Variants in AKNA observed in about 807,000 individuals in gnomAD.
The protein encoded by AKNA is microtubule organization protein AKNA.
A neutral mutation model predicts 138.8 loss-of-function variants in AKNA; 67 were observed. That is an observed-to-expected ratio of 0.48 (90% confidence interval 0.40 to 0.59). The LOEUF (loss-of-function observed/expected upper bound fraction) is 0.59. Ranked by LOEUF, AKNA falls within the 20% of genes least tolerant of loss-of-function variation. The probability of loss-of-function intolerance (pLI) is 0.00; values close to 1 mark genes in which losing one functional copy is unlikely to be tolerated. For missense variants in AKNA, 1,813 were observed against 1,880.4 expected, an observed-to-expected ratio of 0.96 and a Z score of 0.66; for synonymous variants, 737 against 754.4, an observed-to-expected ratio of 0.98 and a Z score of 0.38.
At chr9:114,394,190 T>G (rs756551419) in intron 1 of AKNA, among the ~76,000 whole-genome samples, 3 of 149,226 alleles carry the variant, frequency 2.0e-5, no homozygotes, top group Admixed American at 2.0e-4. Flanking sequence ...AAAAAAAAAG[T>G]TTACAATCAT....
Position 114,357,019 on chromosome 9 carries a change from C to A in AKNA, c.2740-50G>T, listed in dbSNP as rs773873817. On this transcript the variant is annotated intron_variant, in intron 12 of 21. Transcript: ENST00000374088. ...GTCTGAGGAATGTGTCCAAGGCACA[C>A]TGGGAAGCCCTTCCCAAATCGTGGC... The A allele has an allele frequency of 1.1e-5, 16 of 1,508,880 alleles. No individual in the cohort carries two copies. The Admixed American group carries it at 3.7e-4, about 35-fold the overall frequency. 93.5% of individuals were successfully genotyped at this position (1,508,880 alleles called of 1,614,324 possible).
At chr9:114,342,273 A>C in intron 19 of AKNA, 148 bp from the exon 20 acceptor site, 1 of 588,928 alleles carries the variant, frequency 1.7e-6, no homozygotes, top group Non-Finnish European at 3.0e-6. Flanking sequence ...TGACATTGAC[A>C]ACAACCATGA....
chr9:114,385,486 C>T (rs957127799), intron 1 of AKNA, among the ~76,000 whole-genome samples: 1 of 152,144 alleles, frequency 6.6e-6, no homozygotes, highest in Non-Finnish European at 1.5e-5. Flanking sequence ...AGGAAGGGGC[C>T]GGGGGAGGTG....
chr9:114,348,368 C>T (rs563032270), intron 15 of AKNA, among the ~76,000 whole-genome samples: 5 of 152,202 alleles, frequency 3.3e-5, no homozygotes, highest in Non-Finnish European at 5.9e-5. Context: ...GACAGTGAGC[C>T]GCCAGCAGAC....
intron 21 of AKNA, among the ~76,000 whole-genome samples, chr9:114,339,759 T>C (rs1830217485): frequency 6.6e-6 from 1 of 152,160 alleles, no homozygotes; most frequent in Non-Finnish European, 1.5e-5. Context: ...GAGTGGAAGA[T>C]TCCTTAGCGA....
intron 16 of AKNA, among the ~76,000 whole-genome samples, chr9:114,347,126 C>A (rs574433059): frequency 1.3e-5 from 2 of 152,266 alleles, no homozygotes; most frequent in South Asian, 4.1e-4. Context: ...TGAACAAACA[C>A]CGAATTAATG....
intron 15 of AKNA, chr9:114,348,823 T>C (rs1440727356): frequency 4.4e-6 from 2 of 455,344 alleles, no homozygotes; most frequent in Non-Finnish European, 4.4e-6. Context: ...TCCAGGCGGA[T>C]GCAGGCTCCA....
chr9:114,386,535 G>A (rs1338320431), intron 1 of AKNA, among the ~76,000 whole-genome samples: 1 of 152,038 alleles, frequency 6.6e-6, no homozygotes, highest in Non-Finnish European at 1.5e-5. Context: ...CAGTGAGTGG[G>A]GTTTGGTGAA....
upstream of AKNA, chr9:114,388,064 G>C (rs572669132): frequency 7.4e-6 from 2 of 269,178 alleles, no homozygotes; most frequent in Non-Finnish European, 1.6e-5. Flanking sequence ...GCCTCGCCTC[G>C]GCAGGAAGCG....
intron 1 of AKNA, among the ~76,000 whole-genome samples, chr9:114,386,972 A>C (rs1834078489): frequency 1.3e-5 from 2 of 150,542 alleles, no homozygotes; most frequent in Non-Finnish European, 3.0e-5. Flanking sequence ...CCCCACCCAC[A>C]CCCTGACACC....
At position 114,362,524 on chromosome 9, in the gene AKNA, G is replaced by T; in HGVS notation, c.1798C>A (p.Arg600=). ...MPQDQVKGFQ[R]LKAAHAALEE... is the part of the protein sequence containing the mutation. ...AGGGCCGCGTGGGCAGCCTTCAGCCGCTGGAAGCCCTGAAACCAGACCAGG... is the reference window on the plus strand; with the variant it reads ...AGGGCCGCGTGGGCAGCCTTCAGCCTCTGGAAGCCCTGAAACCAGACCAGG... The change falls in exon 8 of 22, where the codon CGG becomes AGG. Residue 600 remains arginine (R), a synonymous_variant. Transcript: ENST00000374088. The T allele has an allele frequency of 6.2e-7, 1 of 1,612,804 alleles. No individual in the cohort carries two copies. The highest frequency in any genetic ancestry group is 1.1e-5 in the South Asian group (1 of 90,852).
chr9:114,357,839 G>C, intron 12 of AKNA, 82 bp downstream of exon 12: 1 of 1,565,158 alleles, frequency 6.4e-7, no homozygotes, highest in Non-Finnish European at 8.6e-7. Flanking sequence ...AATAGCACAA[G>C]GAAAGACCCA....
At chr9:114,331,070 G>C (rs7018884), downstream of AKNA, among the ~76,000 whole-genome samples, 12,494 of 151,864 alleles carry the variant, frequency 0.082, 1,872 homozygotes, top group African/African-American at 0.29. Context: ...ACCTCAAATA[G>C]TTTCCCCAAG....
intron 4 of AKNA, among the ~76,000 whole-genome samples, chr9:114,371,265 TG>T (rs1219045308): frequency 6.6e-6 from 1 of 152,250 alleles, no homozygotes; most frequent in Non-Finnish European, 1.5e-5. Context: ...GTGTCACTCG[TG>T]GGCTTCAGAG....
At chr9:114,387,616 C>A (rs2132136527) in intron 1 of AKNA, among the ~76,000 whole-genome samples, 1 of 152,344 alleles carries the variant, frequency 6.6e-6, no homozygotes, top group Admixed American at 6.5e-5. Context: ...CCCAAGTTCA[C>A]AAGAGATCAG....
rs1489239007 is a variant in AKNA, at chr9:114,358,144, G to A, written c.2516C>T (p.Ser839Phe). ...TGCCTGGAAACCTGGTGGCTTCATAGATACCATCTTCTCCGTGGCCTCCCT... is the reference window on the plus strand; with the variant it reads ...TGCCTGGAAACCTGGTGGCTTCATAAATACCATCTTCTCCGTGGCCTCCCT... Reference protein sequence around the residue: ...PLEEATEKMVSMKPPGFQASL... With the variant: ...PLEEATEKMVFMKPPGFQASL... Residue 839 changes from serine (S) to phenylalanine (F), a missense_variant, in exon 12 of 22, where the codon TCT becomes TTT. Physicochemically the swap from Ser to Phe is radical, Grantham distance 155. Transcript: ENST00000374088. 1 of 1,614,178 alleles carries A rather than the reference G, an allele frequency of 6.2e-7. No individual in the cohort carries two copies. Among genetic ancestry groups the A allele is most frequent in the Non-Finnish European group, 8.5e-7 (1 of 1,180,018 alleles).
At chr9:114,386,016 T>C (rs1358830401) in intron 1 of AKNA, among the ~76,000 whole-genome samples, 4 of 152,128 alleles carry the variant, frequency 2.6e-5, no homozygotes, top group African/African-American at 7.2e-5. Flanking sequence ...CTAGGGTGGG[T>C]TGGGAGGCAG....
At position 114,376,856 on chromosome 9, in the gene AKNA, G is replaced by T; in HGVS notation, c.951C>A (p.Pro317=). ...LPSRFIGSIS[P]LNPQPRPTRQ... is the part of the protein sequence containing the mutation. ...GCGTTGGCCTGGGCTGGGGATTCAG[G>T]GGGCTGATGGAGCCAATGAATCGGG... The change falls in exon 3 of 22, where the codon CCC becomes CCA. Residue 317 remains proline (P), a synonymous_variant. Transcript: ENST00000374088. 6.2e-7 allele frequency: 1 copy of T among 1,614,128 alleles called. No individual in the cohort carries two copies. Among genetic ancestry groups the T allele is most frequent in the Non-Finnish European group, 8.5e-7 (1 of 1,179,970 alleles).
intron 14 of AKNA, among the ~76,000 whole-genome samples, chr9:114,352,551 C>T (rs1238742246): frequency 6.6e-6 from 1 of 151,386 alleles, no homozygotes; most frequent in Non-Finnish European, 1.5e-5. Flanking sequence ...GAGCTGAGAT[C>T]GTACCACTAC....
Sources: allele counts gnomAD v4.1 joint callset (sites outside exome capture counted in the v4.1 genomes callset), GRCh38; gene constraint gnomAD v4.1.1; transcripts MANE v1.5; gene names NCBI Gene and HGNC (gene_info 2026-07-23, HGNC 2026-07-21).